Variants in BLNK observed in about 807,000 individuals in gnomAD.
BLNK encodes B cell linker, also known as B-cell linker protein.
Under a neutral mutation model 73.5 loss-of-function variants are expected in BLNK, and 29 were observed. The ratio of observed to expected loss-of-function variants is 0.39; its 90% CI spans 0.29 to 0.54. BLNK has a LOEUF of 0.54. Ranked by LOEUF, BLNK falls within the 20% of genes least tolerant of loss-of-function variation. The probability of loss-of-function intolerance (pLI) is 0.61; values close to 1 mark genes in which losing one functional copy is unlikely to be tolerated. For synonymous variants in BLNK, 176 were observed against 200.8 expected (o/e 0.88, Z 1.04); for missense variants, 460 against 562.8 (o/e 0.82, Z 1.85).
At chr10:96,194,591 A>G (rs998881681) in intron 16 of BLNK, among the ~76,000 whole-genome samples, 1 of 152,156 alleles carries the variant, frequency 6.6e-6, no homozygotes, top group African/African-American at 2.4e-5. Context: ...TTTGCAAATC[A>G]TTTATCTGAT....
chr10:96,204,186 A>G, intron 12 of BLNK, 98 bp from the exon 13 acceptor site: 2 of 1,287,006 alleles, frequency 1.6e-6, no homozygotes, highest in Non-Finnish European at 2.3e-6. Flanking sequence ...GGCACATCAC[A>G]AATAAATCAA....
chr10:96,239,353 A>G (rs1219751007), intron 3 of BLNK, among the ~76,000 whole-genome samples: 5 of 152,250 alleles, frequency 3.3e-5, no homozygotes, highest in Admixed American at 1.3e-4. Context: ...TCAGGCCTGC[A>G]TAATATAGAT....
intron 1 of BLNK, among the ~76,000 whole-genome samples, chr10:96,260,574 T>C (rs1276577428): frequency 6.6e-6 from 1 of 152,186 alleles, no homozygotes; most frequent in Non-Finnish European, 1.5e-5. Context: ...ATGATATATA[T>C]ATAGTATTGT....
chr10:96,234,084 C>T (rs1204394827), intron 3 of BLNK, among the ~76,000 whole-genome samples: 1 of 152,220 alleles, frequency 6.6e-6, no homozygotes, highest in Non-Finnish European at 1.5e-5. Context: ...GGCTACTTGG[C>T]TAGTGAGTTT....
At chr10:96,196,811 G>T in intron 16 of BLNK, 97 bp downstream of exon 16, 1 of 1,229,408 alleles carries the variant, frequency 8.1e-7, no homozygotes, top group Non-Finnish European at 1.2e-6. Flanking sequence ...AAGTACTTTT[G>T]TATCCTTTCT....
intron 1 of BLNK, among the ~76,000 whole-genome samples, chr10:96,265,950 T>C (rs1554914183): frequency 1.3e-5 from 2 of 152,180 alleles, no homozygotes; most frequent in African/African-American, 2.4e-5. Context: ...GGGGACAAAA[T>C]TGCCCCTGAT....
At chr10:96,224,686 A>G (rs587619673) in intron 5 of BLNK, among the ~76,000 whole-genome samples, 8 of 152,082 alleles carry the variant, frequency 5.3e-5, no homozygotes, top group African/African-American at 1.7e-4. Flanking sequence ...CTTCATTGTT[A>G]TTTTTAATTT....
intron 3 of BLNK, 84 bp from the exon 4 acceptor site, chr10:96,230,918 G>A: frequency 1.4e-6 from 2 of 1,429,590 alleles, no homozygotes; most frequent in Non-Finnish European, 1.9e-6. Context: ...TTTCGCACCT[G>A]CCTTCCCTTC....
At chr10:96,207,216 C>A (rs1159643978) in intron 10 of BLNK, among the ~76,000 whole-genome samples, 163 bp from the exon 11 acceptor site, 1 of 152,224 alleles carries the variant, frequency 6.6e-6, no homozygotes, top group African/African-American at 2.4e-5. Context: ...CCTAGCCCAA[C>A]CTTTGCATTA....
intron 3 of BLNK, among the ~76,000 whole-genome samples, chr10:96,231,681 T>C (rs1842503854): frequency 6.7e-6 from 1 of 149,766 alleles, no homozygotes; most frequent in Admixed American, 6.7e-5. Flanking sequence ...GAGCTGTGAT[T>C]GTGCCATTGC....
Position 96,271,437 on chromosome 10 carries a change from G to A in BLNK, c.-39C>T, listed in dbSNP as rs1554915751. The A allele has an allele frequency of 6.2e-7, 1 of 1,607,770 alleles. No homozygotes were observed. The highest frequency in any genetic ancestry group is 8.5e-7 in the Non-Finnish European group (1 of 1,174,238). On this transcript the variant is annotated 5_prime_UTR_variant, in exon 1 of 17. Transcript: ENST00000224337. ...TGTAAGAGACACGAATAACTGTCCA[G>A]TGGTCACGTCAGCAGTTCCTGGCCC... is the stretch of plus-strand genomic sequence containing the variant.
At chr10:96,257,596 A>G (rs1365519157) in intron 1 of BLNK, among the ~76,000 whole-genome samples, 1 of 152,220 alleles carries the variant, frequency 6.6e-6, no homozygotes, top group Non-Finnish European at 1.5e-5. Flanking sequence ...TTTCTTCATC[A>G]TGGATTTCTG....
intron 1 of BLNK, among the ~76,000 whole-genome samples, chr10:96,265,146 A>ATTTATTTT (rs1420535902): frequency 1.3e-5 from 2 of 149,162 alleles, no homozygotes; most frequent in African/African-American, 5.0e-5. Flanking sequence ...TTATTTATTT[A>ATTTATTTT]TTTATTTATT....
Position 96,227,556 on chromosome 10 carries a change from T to C in BLNK, c.215A>G (p.Tyr72Cys). The C allele has an allele frequency of 6.2e-7, 1 of 1,614,118 alleles. No individual in the cohort carries two copies. The highest frequency in any genetic ancestry group is 8.5e-7 in the Non-Finnish European group (1 of 1,180,050). The change falls in exon 5 of 17, where the codon TAT becomes TGT. Residue 72 changes from tyrosine (Y) to cysteine (C), a missense_variant. Coordinates refer to ENST00000224337, the MANE Select transcript of BLNK (RefSeq NM_013314.4). ...GTCCGAGTGCTCATCTGGATTTTCA[T>C]AGTCGCTGTCCTGCAAGTGCAGATG... ...EQWSDDFDSDYENPDEHSDSE... is the reference protein window; with the variant it reads ...EQWSDDFDSDCENPDEHSDSE...
chr10:96,221,923 A>G (rs1401378445), intron 6 of BLNK, among the ~76,000 whole-genome samples: 1 of 152,224 alleles, frequency 6.6e-6, no homozygotes, highest in African/African-American at 2.4e-5. Flanking sequence ...AAATCAAAAA[A>G]GAGACCAGGA....
rs1554896956 is a variant in BLNK, at chr10:96,204,560, G to A, written c.874C>T (p.Gln292Ter). The A allele has an allele frequency of 1.9e-6, 3 of 1,614,074 alleles. No homozygotes were observed. Among genetic ancestry groups the A allele is most frequent in the African/African-American group, 1.3e-5 (1 of 75,046 alleles). The change falls in exon 12 of 17, where the codon CAG becomes TAG. Residue 292 changes from glutamine (Q) to a stop codon, truncating the protein, a stop_gained. Transcript: ENST00000224337. LOFTEE classifies it high-confidence loss of function. ...RGSSHRQEAVQSPVFPPAQKQ... is the reference protein window; with the variant it reads ...RGSSHRQEAV ...TGGGCAGGAGGAAACACTGGTGACTGCACAGCTTCTTGTCTGTGACTTGAC... is the reference window on the plus strand; with the variant it reads ...TGGGCAGGAGGAAACACTGGTGACTACACAGCTTCTTGTCTGTGACTTGAC...
chr10:96,230,650 G>T, intron 4 of BLNK, 144 bp downstream of exon 4: 1 of 886,988 alleles, frequency 1.1e-6, no homozygotes, highest in Non-Finnish European at 1.8e-6. Flanking sequence ...CTGGTATGCA[G>T]TATGCCTTGC....
At chr10:96,260,530 G>A (rs1372074385) in intron 1 of BLNK, among the ~76,000 whole-genome samples, 1 of 152,122 alleles carries the variant, frequency 6.6e-6, no homozygotes, top group Admixed American at 6.5e-5. Flanking sequence ...TAACTTAATG[G>A]GGGAAAAAGG....
chr10:96,247,512 T>C (rs1554907941), intron 1 of BLNK, among the ~76,000 whole-genome samples: 3 of 152,190 alleles, frequency 2.0e-5, no homozygotes, highest in Non-Finnish European at 1.5e-5. Flanking sequence ...ATCTGGCTGA[T>C]ATTTGAAACT....
Sources: gnomAD v4.1 joint callset for allele counts (sites outside exome capture counted in the v4.1 genomes callset) on GRCh38, gnomAD v4.1.1 for gene constraint, MANE v1.5 for transcripts, NCBI Gene and HGNC (gene_info 2026-07-23, HGNC 2026-07-21) for gene names.